Variants in TESK2 observed in about 807,000 individuals in gnomAD.
TESK2 encodes dual specificity testis-specific protein kinase 2.
Under a neutral mutation model 57.1 loss-of-function variants are expected in TESK2, and 39 were observed. The observed-to-expected ratio is 0.68, with a 90% CI of 0.53 to 0.89. The LOEUF is 0.89. TESK2 is among the 40% of genes least tolerant of loss of function. TESK2 has a pLI of 0.00. For missense variants in TESK2, 646 were observed against 732.1 expected (o/e 0.88, Z 1.36); for synonymous variants, 249 against 267.9 (o/e 0.93, Z 0.69).
intron 6 of TESK2, 60 bp downstream of exon 6, chr1:45,347,858 A>G: frequency 6.6e-7 from 1 of 1,506,186 alleles, no homozygotes; most frequent in South Asian, 1.1e-5. Flanking sequence ...GGAGGCTAGA[A>G]TTTTCCCTTA....
Position 45,436,181 on chromosome 1 carries a change from C to CTTTTTTTTTTTTTTTTTT in TESK2, c.223-14353_223-14336dup, listed in dbSNP as rs1170732475. 5.6e-3 allele frequency among the ~76,000 whole-genome samples: 318 copies of CTTTTTTTTTTTTTTTTTT among 56,556 alleles called. 94 individuals are homozygous for CTTTTTTTTTTTTTTTTTT. The highest frequency in any genetic ancestry group is 0.018 in the East Asian group (24 of 1,348). The allele number at this position is 56,556 out of a possible 152,430, so 37.1% of individuals were successfully genotyped here. A position where few individuals can be genotyped will look rare whatever the true frequency, so the allele number is the denominator to read the frequency against. On this transcript the variant is annotated intron_variant, in intron 2 of 10. Coordinates refer to ENST00000372086, the MANE Select transcript of TESK2 (RefSeq NM_007170.3). ...CTGTGAAAAATGACATTGGTATCTT[C>CTTTTTTTTTTTTTTTTTT]TTTTTTTTTTTTTTTTTTTTTGAGA...
At chr1:45,461,695 C>T (rs978928191) in intron 1 of TESK2, among the ~76,000 whole-genome samples, 13 of 152,138 alleles carry the variant, frequency 8.5e-5, no homozygotes, top group African/African-American at 3.1e-4. Context: ...GTACATAAAA[C>T]ATCGTTGACT....
intron 5 of TESK2, among the ~76,000 whole-genome samples, chr1:45,350,881 A>C (rs1003215143): frequency 1.3e-5 from 2 of 152,214 alleles, no homozygotes; most frequent in Non-Finnish European, 2.9e-5. Context: ...GGGTACACTA[A>C]CAGTCATTCT....
chr1:45,443,087 C>G (rs1651507137), intron 2 of TESK2, among the ~76,000 whole-genome samples: 1 of 152,000 alleles, frequency 6.6e-6, no homozygotes, highest in South Asian at 2.1e-4. Context: ...GGCCTACTTT[C>G]ATTATTTCTA....
At chr1:45,408,662 T>C (rs1570699530) in intron 3 of TESK2, among the ~76,000 whole-genome samples, 1 of 152,208 alleles carries the variant, frequency 6.6e-6, no homozygotes, top group South Asian at 2.1e-4. Flanking sequence ...TTTATTTGGG[T>C]CTATTCATTT....
intron 2 of TESK2, among the ~76,000 whole-genome samples, chr1:45,426,747 GA>G (rs969625355): frequency 1.3e-5 from 2 of 151,122 alleles, no homozygotes; most frequent in East Asian, 1.9e-4. Flanking sequence ...AACTCTATAG[GA>G]AAAAAAAATC....
At chr1:45,426,747 G>GA (rs969625355) in intron 2 of TESK2, among the ~76,000 whole-genome samples, 25 of 151,124 alleles carry the variant, frequency 1.7e-4, no homozygotes, top group African/African-American at 2.2e-4. Context: ...AACTCTATAG[G>GA]AAAAAAAAAT....
At chr1:45,465,682 A>G (rs749889259) in intron 1 of TESK2, among the ~76,000 whole-genome samples, 3 of 152,164 alleles carry the variant, frequency 2.0e-5, no homozygotes, top group Non-Finnish European at 2.9e-5. Flanking sequence ...CTTAAATGTT[A>G]TATGCTTAGA....
chr1:45,487,165 AT>A (rs1450226226), intron 1 of TESK2, among the ~76,000 whole-genome samples: 3 of 152,120 alleles, frequency 2.0e-5, no homozygotes, highest in Non-Finnish European at 2.9e-5. Flanking sequence ...AGCCCATCAT[AT>A]GTCAAGCTTA....
rs74227004 is a variant in TESK2, at chr1:45,347,284, A to G, written c.709-222T>C. ...CTAAGAGTGGATTCTAGGGAGAATCAGCCGAGCGCGATGGCTCATGCCTGT... is the reference window on the plus strand; with the variant it reads ...CTAAGAGTGGATTCTAGGGAGAATCGGCCGAGCGCGATGGCTCATGCCTGT... On this transcript the variant is annotated intron_variant, in intron 7 of 10. Coordinates refer to ENST00000372086, the MANE Select transcript of TESK2 (RefSeq NM_007170.3). 2.4e-3 allele frequency among the ~76,000 whole-genome samples: 359 copies of G among 152,302 alleles called. 7 individuals carry two copies. In the East Asian group the frequency reaches 0.032, roughly 13 times the overall value.
At chr1:45,346,957 G>T in intron 8 of TESK2, 22 bp downstream of exon 8, 1 of 1,612,498 alleles carries the variant, frequency 6.2e-7, no homozygotes, top group East Asian at 2.2e-5. Flanking sequence ...CAGTGGCAAT[G>T]ATCCCCATGC....
intron 1 of TESK2, among the ~76,000 whole-genome samples, chr1:45,482,110 G>T (rs187878037): frequency 3.9e-5 from 6 of 152,256 alleles, no homozygotes; most frequent in South Asian, 2.1e-4. Flanking sequence ...ATCTCTCAAG[G>T]TTCGTGCATA....
chr1:45,460,413 G>A (rs1570753053), intron 1 of TESK2, among the ~76,000 whole-genome samples: 1 of 152,090 alleles, frequency 6.6e-6, no homozygotes, highest in Admixed American at 6.6e-5. Flanking sequence ...CCAGCTACTC[G>A]GGAAGCTGAG....
intron 3 of TESK2, chr1:45,398,964 C>T (rs1570689740): frequency 2.4e-6 from 1 of 421,254 alleles, no homozygotes; most frequent in East Asian, 7.3e-5. Context: ...TCTACCCAAC[C>T]TCCATTGGAC....
intron 3 of TESK2, among the ~76,000 whole-genome samples, chr1:45,392,271 A>T (rs1649177709): frequency 6.6e-6 from 1 of 152,202 alleles, no homozygotes. Context: ...TTTTTAGTAC[A>T]GACAGGGCTT....
chr1:45,442,006 G>A (rs1417551880), intron 2 of TESK2, among the ~76,000 whole-genome samples: 1 of 151,822 alleles, frequency 6.6e-6, no homozygotes, highest in Non-Finnish European at 1.5e-5. Context: ...GTGCTATCTC[G>A]GCTCACCGCA....
At chr1:45,396,494 C>CTT (rs796355065) in intron 3 of TESK2, among the ~76,000 whole-genome samples, 1 of 146,116 alleles carries the variant, frequency 6.8e-6, no homozygotes, top group South Asian at 2.2e-4. Context: ...TGAGATAACT[C>CTT]TTTTTTTTTT....
chr1:45,472,452 G>T lies in TESK2; in HGVS notation c.-86-14581C>A, dbSNP rs142262711. ...AGGCACCTGTGATCCCAGCTACTTG[G>T]GAGGCTAAGGCAGAAGAATCGCTTG... is the stretch of plus-strand genomic sequence containing the variant. On this transcript the variant is annotated intron_variant, in intron 1 of 10. Transcript: ENST00000372086. 7.2e-5 allele frequency among the ~76,000 whole-genome samples: 11 copies of T among 151,788 alleles called. No homozygotes were observed. The East Asian group carries it at 2.1e-3, about 29-fold the overall frequency.
chr1:45,392,176 C>G (rs1226410496), intron 3 of TESK2, among the ~76,000 whole-genome samples: 2 of 152,190 alleles, frequency 1.3e-5, no homozygotes, highest in African/African-American at 4.8e-5. Flanking sequence ...ACCTCCGCCT[C>G]CCGGGTTCAA....
Sources: allele counts gnomAD v4.1 joint callset (sites outside exome capture counted in the v4.1 genomes callset), GRCh38; gene constraint gnomAD v4.1.1; transcripts MANE v1.5; gene names NCBI Gene and HGNC (gene_info 2026-07-23, HGNC 2026-07-21).